The following ZC3HAV1L variants were observed in gnomAD, a reference collection of about 807,000 sequenced individuals.
ZC3HAV1L encodes zinc finger CCCH-type antiviral protein 1-like.
In ZC3HAV1L, 23 loss-of-function variants were observed where a neutral mutation model predicts 28.2. The ratio of observed to expected loss-of-function variants is 0.82; its 90% confidence interval spans 0.59 to 1.16. The LOEUF is 1.16. Among genes scored for constraint, ZC3HAV1L ranks in the 50% most tolerant of loss-of-function variants. The probability of loss-of-function intolerance (pLI) is 0.00; values close to 1 mark genes in which losing one functional copy is unlikely to be tolerated. For missense variants in ZC3HAV1L, 376 were observed against 387.7 expected (o/e 0.97, Z 0.25); for synonymous variants, 180 against 163.4 (o/e 1.10, Z -0.78).
At chr7:139,028,560 T>C (rs1563114082) in intron 3 of ZC3HAV1L, 142 bp downstream of exon 3, 3 of 1,155,642 alleles carry the variant, frequency 2.6e-6, no homozygotes, top group Non-Finnish European at 3.6e-6. Flanking sequence ...TGTTCTAAAC[T>C]TTCCCAAGAA....
At chr7:139,032,567 G>T (rs1216747937) in intron 2 of ZC3HAV1L, among the ~76,000 whole-genome samples, 1 of 148,692 alleles carries the variant, frequency 6.7e-6, no homozygotes, top group Non-Finnish European at 1.5e-5. Flanking sequence ...AGCTTGCAGT[G>T]AGCCGAGACC....
At chr7:139,034,088 A>G in intron 2 of ZC3HAV1L, 3 of 985,444 alleles carry the variant, frequency 3.0e-6, no homozygotes, top group Non-Finnish European at 3.6e-6. Flanking sequence ...CCTGCACCAA[A>G]GGCTCCAGCT....
chr7:139,025,205 T>C (rs1012254690), downstream of ZC3HAV1L, among the ~76,000 whole-genome samples: 4 of 152,050 alleles, frequency 2.6e-5, no homozygotes, highest in Admixed American at 1.3e-4. Flanking sequence ...TCCCAGCAGT[T>C]TGGGAGGCCG....
chr7:139,028,700 A>C lies in ZC3HAV1L; in HGVS notation c.760+2T>G. On this transcript the variant is annotated splice_donor_variant, in intron 3 of 4. Transcript: ENST00000275766. LOFTEE classifies it high-confidence loss of function. ...TTCTCTGTCCTTCTTGGATATTCCT[A>C]CCTGTATTTTCAAGCATCTTGTGCA... 1 of 1,612,842 alleles carries C rather than the reference A, an allele frequency of 6.2e-7. No homozygotes were observed. The highest frequency in any genetic ancestry group is 8.5e-7 in the Non-Finnish European group (1 of 1,179,084).
At chr7:139,026,887 G>T (rs200735830) in intron 3 of ZC3HAV1L, 54 bp from the exon 4 acceptor site, 56 of 1,568,700 alleles carry the variant, frequency 3.6e-5, no homozygotes, top group Non-Finnish European at 4.7e-5. Context: ...TTCATTTTAC[G>T]TTGGGAGCAA....
chr7:139,032,988 A>C (rs1290220203), intron 2 of ZC3HAV1L, among the ~76,000 whole-genome samples: 1 of 152,176 alleles, frequency 6.6e-6, no homozygotes, highest in South Asian at 2.1e-4. Context: ...CAGAGGGATC[A>C]CTTGAGGTCA....
chr7:139,034,265 T>C, intron 2 of ZC3HAV1L: 1 of 847,628 alleles, frequency 1.2e-6, no homozygotes, highest in African/African-American at 1.8e-5. Flanking sequence ...TGTGCTAGAT[T>C]AGAAAATCTT....
chr7:139,024,907 T>C (rs1213953019), downstream of ZC3HAV1L, among the ~76,000 whole-genome samples: 1 of 152,220 alleles, frequency 6.6e-6, no homozygotes, highest in Non-Finnish European at 1.5e-5. Context: ...TGCATAAAGC[T>C]GCTTCTTGTG....
At chr7:139,023,182 G>GAA (rs565321825), downstream of ZC3HAV1L, among the ~76,000 whole-genome samples, 2,633 of 103,214 alleles carry the variant, frequency 0.026, 75 homozygotes, top group African/African-American at 0.088. Context: ...AAGGAAAAAA[G>GAA]AAAAAAAAAA....
At chr7:139,027,998 G>A (rs1428820829) in intron 3 of ZC3HAV1L, among the ~76,000 whole-genome samples, 1 of 152,158 alleles carries the variant, frequency 6.6e-6, no homozygotes, top group Admixed American at 6.5e-5. Flanking sequence ...TTATATTTAT[G>A]ACAAGAAAGC....
At chr7:139,031,272 ACT>A (rs575791467) in intron 2 of ZC3HAV1L, among the ~76,000 whole-genome samples, 24 of 152,252 alleles carry the variant, frequency 1.6e-4, no homozygotes, top group African/African-American at 5.8e-4. Flanking sequence ...ACACAGCAAG[ACT>A]CTGTCTCTAC....
At chr7:139,028,542 A>G (rs1815425243) in intron 3 of ZC3HAV1L, among the ~76,000 whole-genome samples, 160 bp downstream of exon 3, 1 of 152,134 alleles carries the variant, frequency 6.6e-6, no homozygotes, top group Non-Finnish European at 1.5e-5. Flanking sequence ...ATACAATACA[A>G]TGTTGCCTGT....
At chr7:139,035,523 G>C (rs372841727) in intron 1 of ZC3HAV1L, 130 bp downstream of exon 1, 3 of 1,313,442 alleles carry the variant, frequency 2.3e-6, no homozygotes, top group African/African-American at 3.1e-5. Flanking sequence ...GCCTGCGGGA[G>C]GGGGTCGTCC....
At chr7:139,031,483 G>A (rs1380487251) in intron 2 of ZC3HAV1L, among the ~76,000 whole-genome samples, 1 of 152,204 alleles carries the variant, frequency 6.6e-6, no homozygotes, top group Non-Finnish European at 1.5e-5. Flanking sequence ...CTACTAGGGA[G>A]GCTGAGGCAC....
At chr7:139,035,267 A>G in intron 1 of ZC3HAV1L, 1 of 985,408 alleles carries the variant, frequency 1.0e-6, no homozygotes, top group African/African-American at 1.7e-5. Flanking sequence ...ATTTCCGGCT[A>G]AAGGGTCCAG....
chr7:139,032,123 T>C (rs1815552489), intron 2 of ZC3HAV1L, among the ~76,000 whole-genome samples: 1 of 151,330 alleles, frequency 6.6e-6, no homozygotes, highest in African/African-American at 2.4e-5. Flanking sequence ...ACTTTAAAAA[T>C]GAAAGATAAA....
chr7:139,026,988 G>A (rs969314772), intron 3 of ZC3HAV1L, among the ~76,000 whole-genome samples, 155 bp from the exon 4 acceptor site: 2 of 152,048 alleles, frequency 1.3e-5, no homozygotes, highest in Non-Finnish European at 2.9e-5. Flanking sequence ...GTATGTGTGT[G>A]TGTATAAAAA....
At chr7:139,021,594 T>C (rs2130619809), downstream of ZC3HAV1L, among the ~76,000 whole-genome samples, 1 of 152,156 alleles carries the variant, frequency 6.6e-6, no homozygotes, top group Non-Finnish European at 1.5e-5. Flanking sequence ...AGGTAGAGTT[T>C]TATCTCAGGA....
intron 3 of ZC3HAV1L, among the ~76,000 whole-genome samples, chr7:139,027,944 C>T (rs1452613139): frequency 2.0e-5 from 3 of 152,094 alleles, no homozygotes; most frequent in Admixed American, 2.0e-4. Flanking sequence ...CCAAATTGTT[C>T]TGTAATGTCA....
Sources: gnomAD v4.1 joint callset for allele counts (sites outside exome capture counted in the v4.1 genomes callset) on GRCh38, gnomAD v4.1.1 for gene constraint, MANE v1.5 for transcripts, NCBI Gene and HGNC (gene_info 2026-07-23, HGNC 2026-07-21) for gene names.